The following CADM2 variants were observed in gnomAD, a reference collection of about 807,000 sequenced individuals.
The protein encoded by CADM2 is cell adhesion molecule 2, also known as immunoglobulin superfamily member 4D.
In CADM2, 12 loss-of-function variants were observed where a neutral mutation model predicts 49.8. The observed-to-expected ratio is 0.24, with a 90% CI of 0.15 to 0.39. The LOEUF (loss-of-function observed/expected upper bound fraction) is 0.39, where lower values mean the gene tolerates loss of function less well. Ranked by LOEUF, CADM2 falls within the 10% of genes least tolerant of loss-of-function variation. The pLI is 1.00. For missense variants in CADM2, 378 were observed against 492.3 expected (o/e 0.77, Z 2.20); for synonymous variants, 214 against 175.4 (o/e 1.22, Z -1.74).
At chr3:86,043,166 G>A (rs942765685) in intron 8 of CADM2, among the ~76,000 whole-genome samples, 2 of 152,158 alleles carry the variant, frequency 1.3e-5, no homozygotes, top group Non-Finnish European at 2.9e-5. Context: ...TTGAAAACTG[G>A]CACAAGACAG....
At chr3:84,964,669 T>G (rs988124941) in intron 1 of CADM2, among the ~76,000 whole-genome samples, 38 of 152,174 alleles carry the variant, frequency 2.5e-4, no homozygotes, top group African/African-American at 8.9e-4. Flanking sequence ...TGGTCTGATT[T>G]ACTCTCTTAA....
chr3:85,186,869 A>G (rs1305121126), intron 1 of CADM2, among the ~76,000 whole-genome samples: 1 of 152,184 alleles, frequency 6.6e-6, no homozygotes, highest in Admixed American at 6.6e-5. Flanking sequence ...CTGTAAGGGT[A>G]TATTTAAGAA....
chr3:85,924,887 T>C (rs1209890136), intron 6 of CADM2, among the ~76,000 whole-genome samples: 2 of 152,198 alleles, frequency 1.3e-5, no homozygotes, highest in Non-Finnish European at 2.9e-5. Context: ...TTCAAGGCTT[T>C]TAAAATACAA....
chr3:85,321,825 C>A (rs918336211), intron 1 of CADM2, among the ~76,000 whole-genome samples: 1 of 152,106 alleles, frequency 6.6e-6, no homozygotes, highest in Non-Finnish European at 1.5e-5. Context: ...TAATTTTAGA[C>A]CTCATTGTAT....
At chr3:85,182,521 A>C (rs2107707111) in intron 1 of CADM2, among the ~76,000 whole-genome samples, 1 of 152,236 alleles carries the variant, frequency 6.6e-6, no homozygotes, top group South Asian at 2.1e-4. Context: ...TACCTTCAAA[A>C]GTGTTGATGA....
At chr3:85,592,702 G>A (rs2063139196) in intron 1 of CADM2, among the ~76,000 whole-genome samples, 1 of 143,064 alleles carries the variant, frequency 7.0e-6, no homozygotes, top group Non-Finnish European at 1.6e-5. Context: ...TTGAGTTCTG[G>A]ATTTTTATTA....
intron 7 of CADM2, among the ~76,000 whole-genome samples, chr3:85,948,855 C>A (rs1055228060): frequency 1.3e-5 from 2 of 151,436 alleles, no homozygotes. Flanking sequence ...AAGCCCAAGT[C>A]TTGCAAATCC....
intron 1 of CADM2, among the ~76,000 whole-genome samples, chr3:85,642,552 A>T (rs2064755709): frequency 6.6e-6 from 1 of 152,174 alleles, no homozygotes. Flanking sequence ...CAAGAAATTT[A>T]GTTTAAGATT....
intron 1 of CADM2, among the ~76,000 whole-genome samples, chr3:85,567,767 G>T (rs1475120380): frequency 6.6e-6 from 1 of 152,178 alleles, no homozygotes; most frequent in African/African-American, 2.4e-5. Flanking sequence ...GAAACAAGGA[G>T]GCTGGTAGCA....
chr3:85,606,828 T>G (rs1176916961), intron 1 of CADM2, among the ~76,000 whole-genome samples: 1 of 152,042 alleles, frequency 6.6e-6, no homozygotes, highest in Non-Finnish European at 1.5e-5. Flanking sequence ...TGAAAAATAC[T>G]GTCAATTTGA....
At chr3:85,657,566 T>C (rs1462092696) in intron 1 of CADM2, among the ~76,000 whole-genome samples, 1 of 151,500 alleles carries the variant, frequency 6.6e-6, no homozygotes, top group Non-Finnish European at 1.5e-5. Flanking sequence ...ATGTGGACTT[T>C]TATTCATGTA....
intron 1 of CADM2, among the ~76,000 whole-genome samples, chr3:85,432,118 G>A (rs1444203639): frequency 2.0e-5 from 3 of 151,478 alleles, no homozygotes; most frequent in Non-Finnish European, 4.4e-5. Flanking sequence ...AAAGAGATTG[G>A]AAGACTGTGA....
intron 1 of CADM2, among the ~76,000 whole-genome samples, chr3:85,221,145 C>A (rs1054310544): frequency 3.3e-5 from 5 of 152,228 alleles, no homozygotes; most frequent in Admixed American, 3.3e-4. Context: ...AAACGATACA[C>A]TTTTTTCCAA....
chr3:85,549,680 A>G (rs2061751769), intron 1 of CADM2, among the ~76,000 whole-genome samples: 2 of 151,956 alleles, frequency 1.3e-5, no homozygotes, highest in African/African-American at 2.4e-5. Context: ...CTGGAGTGCA[A>G]TGGTACTATT....
intron 1 of CADM2, among the ~76,000 whole-genome samples, chr3:85,321,918 T>C (rs1024831338): frequency 1.3e-5 from 2 of 152,240 alleles, no homozygotes; most frequent in East Asian, 3.8e-4. Flanking sequence ...TCCTATATAA[T>C]GCATGCATCC....
chr3:85,192,712 T>C (rs115195657), intron 1 of CADM2, among the ~76,000 whole-genome samples: 1,849 of 151,874 alleles, frequency 0.012, 40 homozygotes, highest in African/African-American at 0.043. Flanking sequence ...AGGTGGGAAG[T>C]ATGATTTTTA....
intron 1 of CADM2, among the ~76,000 whole-genome samples, chr3:85,492,066 C>G (rs2039699240): frequency 6.6e-6 from 1 of 151,960 alleles, no homozygotes; most frequent in South Asian, 2.1e-4. Flanking sequence ...TTAATTATTG[C>G]TTGTTACAAT....
chr3:85,302,683 C>T (rs763285098), intron 1 of CADM2, among the ~76,000 whole-genome samples: 1 of 151,888 alleles, frequency 6.6e-6, no homozygotes, highest in Admixed American at 6.6e-5. Context: ...CATACATATG[C>T]GGCCATGTTT....
intron 1 of CADM2, among the ~76,000 whole-genome samples, chr3:85,634,914 T>A (rs564059843): frequency 3.9e-4 from 59 of 152,204 alleles, no homozygotes; most frequent in Admixed American, 2.1e-3. Flanking sequence ...TATATGTGCA[T>A]ACATGTATTT....
Sources: gnomAD v4.1 joint callset for allele counts (sites outside exome capture counted in the v4.1 genomes callset) on GRCh38, gnomAD v4.1.1 for gene constraint, MANE v1.5 for transcripts, NCBI Gene and HGNC (gene_info 2026-07-23, HGNC 2026-07-21) for gene names.